Variants in RNF180 observed in about 807,000 individuals in gnomAD.
The protein encoded by RNF180 is ring finger protein 180.
A neutral mutation model predicts 59.2 loss-of-function variants in RNF180; 38 were observed. The ratio of observed to expected loss-of-function variants is 0.64; its 90% CI spans 0.50 to 0.84. The LOEUF is 0.84. RNF180 is among the 40% of genes least tolerant of loss of function. RNF180 has a pLI of 0.00. For missense variants in RNF180, 705 were observed against 700.9 expected, an observed-to-expected ratio of 1.01 and a Z score of -0.07; for synonymous variants, 262 against 240.3, an observed-to-expected ratio of 1.09 and a Z score of -0.84.
chr5:64,284,527 C>T (rs1455265074), intron 5 of RNF180, among the ~76,000 whole-genome samples: 1 of 152,172 alleles, frequency 6.6e-6, no homozygotes, highest in Non-Finnish European at 1.5e-5. Context: ...CCACATATCT[C>T]AGAGGTTTTG....
chr5:64,330,288 C>A lies in RNF180; in HGVS notation c.1461C>A (p.Asn487Lys). The A allele has an allele frequency of 6.8e-7, 1 of 1,464,816 alleles. No homozygotes were observed. Among genetic ancestry groups the A allele is most frequent in the Non-Finnish European group, 9.3e-7 (1 of 1,080,488 alleles). 90.7% of individuals were successfully genotyped at this position (1,464,816 alleles called of 1,614,324 possible). Residue 487 changes from asparagine (N) to lysine (K), a missense_variant, in exon 7 of 8, where the codon AAC becomes AAA. Physicochemically the swap from Asn to Lys is moderately conservative, Grantham distance 94. Coordinates refer to ENST00000389100, the MANE Select transcript of RNF180 (RefSeq NM_001113561.2). The stretch of plus-strand genomic sequence containing the variant: ...TCTTTTGCTTTATTCTAGAATTGAA[C>A]AATGCCACAAAAACTTTCTTTACTA... ...ISRVFFQTEL[N>K]NATKTFFTKE...
chr5:64,255,059 A>AT (rs142928562), intron 5 of RNF180, among the ~76,000 whole-genome samples: 24,013 of 152,162 alleles, frequency 0.16, 2,563 homozygotes, highest in East Asian at 0.59. Context: ...TCTTAAAAAC[A>AT]TTTTTTAAGA....
At chr5:64,212,477 T>G (rs1580011363) in intron 3 of RNF180, among the ~76,000 whole-genome samples, 2 of 152,198 alleles carry the variant, frequency 1.3e-5, no homozygotes, top group South Asian at 4.1e-4. Flanking sequence ...CTTATTTAAC[T>G]TGTTAATTGC....
At chr5:64,239,460 T>C (rs1424719718) in intron 5 of RNF180, among the ~76,000 whole-genome samples, 2 of 152,164 alleles carry the variant, frequency 1.3e-5, no homozygotes, top group Non-Finnish European at 2.9e-5. Context: ...ATAATGCACT[T>C]TTTTGGAAGA....
At chr5:64,359,697 T>G (rs1746170016) in intron 7 of RNF180, among the ~76,000 whole-genome samples, 2 of 151,854 alleles carry the variant, frequency 1.3e-5, no homozygotes, top group Admixed American at 1.3e-4. Flanking sequence ...GTTTTAGACA[T>G]GAAGTCCTTG....
intron 5 of RNF180, among the ~76,000 whole-genome samples, chr5:64,257,825 G>A (rs1478170984): frequency 6.6e-6 from 1 of 152,134 alleles, no homozygotes; most frequent in African/African-American, 2.4e-5. Flanking sequence ...ACATTAGAGA[G>A]ATCAACGAGA....
At chr5:64,350,456 T>C (rs6449719) in intron 7 of RNF180, among the ~76,000 whole-genome samples, 67,872 of 152,030 alleles carry the variant, frequency 0.45, 16,507 homozygotes, top group African/African-American at 0.65. Flanking sequence ...CCATTGCTTT[T>C]GGTGTTTTAG....
chr5:64,316,584 T>A (rs1329893536), intron 5 of RNF180, among the ~76,000 whole-genome samples: 1 of 152,194 alleles, frequency 6.6e-6, no homozygotes, highest in Non-Finnish European at 1.5e-5. Flanking sequence ...TGTGAAATTG[T>A]CCCTGCATTC....
intron 1 of RNF180, among the ~76,000 whole-genome samples, chr5:64,171,338 A>G (rs1005457186): frequency 6.6e-6 from 1 of 152,212 alleles, no homozygotes; most frequent in East Asian, 1.9e-4. Context: ...AATGGCATTC[A>G]GTATATACCG....
At chr5:64,257,573 A>C (rs1027236663) in intron 5 of RNF180, among the ~76,000 whole-genome samples, 7 of 152,252 alleles carry the variant, frequency 4.6e-5, no homozygotes, top group Non-Finnish European at 8.8e-5. Flanking sequence ...ATGGTGGATA[A>C]GCTTTTTGAT....
intron 1 of RNF180, among the ~76,000 whole-genome samples, chr5:64,195,725 T>A (rs1369456231): frequency 1.3e-5 from 2 of 152,164 alleles, no homozygotes; most frequent in Non-Finnish European, 2.9e-5. Flanking sequence ...ATTTAAGAAA[T>A]CAAGACATGT....
intron 5 of RNF180, among the ~76,000 whole-genome samples, chr5:64,303,631 A>C (rs1743278305): frequency 6.6e-6 from 1 of 151,626 alleles, no homozygotes; most frequent in Non-Finnish European, 1.5e-5. Context: ...ATTCTTTGAA[A>C]GCTGAGAGAG....
At chr5:64,206,323 C>T (rs1431183137) in intron 2 of RNF180, among the ~76,000 whole-genome samples, 1 of 152,184 alleles carries the variant, frequency 6.6e-6, no homozygotes, top group Non-Finnish European at 1.5e-5. Context: ...GTTATGACTT[C>T]TTCCATCACC....
rs531539189 is a variant in RNF180 at position 64,225,774 on chromosome 5, C to T, written c.1227+8378C>T. On this transcript the variant is annotated intron_variant, in intron 5 of 7. Coordinates refer to ENST00000389100, the MANE Select transcript of RNF180 (RefSeq NM_001113561.2). ...CCTTCGTCTGAGATGTGAGGAGCACCTCTGCCCAGCCTCCCTTTGGCTGGG... is the reference window on the plus strand; with the variant it reads ...CCTTCGTCTGAGATGTGAGGAGCACTTCTGCCCAGCCTCCCTTTGGCTGGG... Among the ~76,000 whole-genome samples the T allele has an allele frequency of 3.2e-3, 443 of 136,392 alleles. 2 individuals are homozygous for T. The highest frequency in any genetic ancestry group is 0.012 in the African/African-American group (428 of 35,492). 89.5% of individuals were successfully genotyped at this position (136,392 alleles called of 152,430 possible). A position where few individuals can be genotyped will look rare whatever the true frequency, so the allele number is the denominator to read the frequency against.
intron 7 of RNF180, among the ~76,000 whole-genome samples, chr5:64,336,349 T>C (rs1374003038): frequency 2.6e-5 from 4 of 152,208 alleles, no homozygotes; most frequent in Non-Finnish European, 2.9e-5. Flanking sequence ...GACTTCTAAT[T>C]AATGCTCTAC....
At chr5:64,310,743 C>T (rs1424323806) in intron 5 of RNF180, among the ~76,000 whole-genome samples, 1 of 151,990 alleles carries the variant, frequency 6.6e-6, no homozygotes, top group Admixed American at 6.6e-5. Flanking sequence ...TATGTGACTT[C>T]TACTGCCACT....
chr5:64,193,247 A>G (rs1278144538), intron 1 of RNF180, among the ~76,000 whole-genome samples: 1 of 152,066 alleles, frequency 6.6e-6, no homozygotes, highest in East Asian at 1.9e-4. Flanking sequence ...AGTATTATGC[A>G]CTTTAAAATA....
Position 64,213,594 on chromosome 5 carries a change from T to G in RNF180, c.268T>G (p.Cys90Gly), listed in dbSNP as rs1752427083. ...AGTTGGAAAACTGAATTGTCCTTTC[T>G]GTGGGGCCCGTTTAGGGGGCTTTAA... Reference protein sequence around the residue: ...WTVGKLNCPFCGARLGGFNFV... With the variant: ...WTVGKLNCPFGGARLGGFNFV... Residue 90 changes from cysteine (C) to glycine (G), a missense_variant, in exon 4 of 8, where the codon TGT (cysteine) becomes GGT (glycine). Transcript: ENST00000389100. 6.2e-7 allele frequency: 1 copy of G among 1,614,054 alleles called. No homozygotes were observed. The highest frequency in any genetic ancestry group is 1.3e-5 in the African/African-American group (1 of 75,064).
At chr5:64,297,085 C>T (rs1330832733) in intron 5 of RNF180, among the ~76,000 whole-genome samples, 1 of 151,936 alleles carries the variant, frequency 6.6e-6, no homozygotes, top group East Asian at 1.9e-4. Context: ...CAGTCGATAA[C>T]TACTAGATAT....
Sources: gnomAD v4.1 joint callset for allele counts (sites outside exome capture counted in the v4.1 genomes callset) on GRCh38, gnomAD v4.1.1 for gene constraint, MANE v1.5 for transcripts, NCBI Gene and HGNC (gene_info 2026-07-23, HGNC 2026-07-21) for gene names.